AGBL1: variants seen among roughly 807,000 people sequenced by gnomAD.
AGBL1 encodes the protein cytosolic carboxypeptidase 4.
Under a neutral mutation model 118.9 loss-of-function variants are expected in AGBL1, and 130 were observed. That is an observed-to-expected ratio of 1.09 (90% CI 0.95 to 1.26). The LOEUF is 1.26. Among genes scored for constraint, AGBL1 ranks in the 50% most tolerant of loss-of-function variants. AGBL1 has a pLI of 0.00. For missense variants in AGBL1, 1,584 were observed against 1,298.1 expected, an observed-to-expected ratio of 1.22 and a Z score of -3.38; for synonymous variants, 555 against 478.9, an observed-to-expected ratio of 1.16 and a Z score of -2.08.
intron 5 of AGBL1, among the ~76,000 whole-genome samples, chr15:86,178,042 G>A (rs538644532): frequency 7.2e-5 from 11 of 152,332 alleles, no homozygotes; most frequent in South Asian, 6.2e-4. Context: ...GGCTGGGCAT[G>A]GTGGTTCACA....
chr15:86,922,267 C>G (rs970367061), intron 23 of AGBL1, among the ~76,000 whole-genome samples: 1 of 152,136 alleles, frequency 6.6e-6, no homozygotes, highest in Non-Finnish European at 1.5e-5. Context: ...TAGCAAAAGG[C>G]ATAACAAAAA....
At chr15:86,227,581 G>C (rs1471389087) in intron 6 of AGBL1, among the ~76,000 whole-genome samples, 2 of 152,230 alleles carry the variant, frequency 1.3e-5, no homozygotes, top group Admixed American at 6.5e-5. Context: ...TCCCCCATGG[G>C]GGGTGGACAG....
intron 1 of AGBL1, among the ~76,000 whole-genome samples, chr15:86,082,001 A>G (rs528384436): frequency 5.2e-4 from 79 of 152,300 alleles, no homozygotes; most frequent in African/African-American, 1.8e-3. Flanking sequence ...TTAGTTCCCA[A>G]TTAAGCAGAA....
chr15:87,011,335 C>A (rs1313808104), intron 24 of AGBL1, among the ~76,000 whole-genome samples: 1 of 152,140 alleles, frequency 6.6e-6, no homozygotes. Context: ...AGAAAAGAAA[C>A]CTTCACTGTG....
intron 16 of AGBL1, among the ~76,000 whole-genome samples, chr15:86,286,813 G>C (rs2079462018): frequency 6.7e-6 from 1 of 149,862 alleles, no homozygotes; most frequent in African/African-American, 2.5e-5. Flanking sequence ...ATGCTGCACT[G>C]AACATAGGGG....
At chr15:86,243,727 G>A (rs1277560314) in intron 6 of AGBL1, among the ~76,000 whole-genome samples, 1 of 152,106 alleles carries the variant, frequency 6.6e-6, no homozygotes, top group East Asian at 1.9e-4. Flanking sequence ...TACTAATGTA[G>A]GCCGGGCATG....
At chr15:86,976,281 A>G (rs75564037) in intron 23 of AGBL1, among the ~76,000 whole-genome samples, 6,047 of 151,130 alleles carry the variant, frequency 0.04, 150 homozygotes, top group Middle Eastern at 0.065. Context: ...GTATCCATGT[A>G]TAATTTTGGA....
chr15:86,240,413 T>C (rs1219883577), intron 6 of AGBL1, among the ~76,000 whole-genome samples: 1 of 152,212 alleles, frequency 6.6e-6, no homozygotes, highest in Admixed American at 6.5e-5. Context: ...AAGTCAGTGG[T>C]ATCGTATACT....
intron 22 of AGBL1, among the ~76,000 whole-genome samples, chr15:86,852,473 G>A (rs1019445201): frequency 1.3e-5 from 2 of 152,032 alleles, no homozygotes; most frequent in Admixed American, 6.6e-5. Context: ...ATCACTTTAC[G>A]ACATCCCCTG....
At chr15:86,939,045 A>C (rs2080713109) in intron 23 of AGBL1, 1 of 152,126 alleles carries the variant, frequency 6.6e-6, no homozygotes, top group Non-Finnish European at 1.5e-5. Context: ...GCTTTTTGCC[A>C]CTTCTGAAAT....
At chr15:86,480,856 A>C (rs1037645403) in intron 18 of AGBL1, among the ~76,000 whole-genome samples, 14 of 152,162 alleles carry the variant, frequency 9.2e-5, no homozygotes, top group Middle Eastern at 3.4e-3. Flanking sequence ...AAGAATATTT[A>C]GGCAATGGTG....
chr15:86,711,774 G>A (rs529675824), intron 22 of AGBL1, among the ~76,000 whole-genome samples: 1 of 152,302 alleles, frequency 6.6e-6, no homozygotes, highest in African/African-American at 2.4e-5. Flanking sequence ...GGCAGAGTAT[G>A]TGTTTCCTGA....
intron 23 of AGBL1, among the ~76,000 whole-genome samples, chr15:86,980,166 G>GTT (rs34663474): frequency 0.17 from 26,463 of 152,056 alleles, 2,308 homozygotes; most frequent in Non-Finnish European, 0.18. Flanking sequence ...TCAGATCCTA[G>GTT]TTTTAAATCA....
At chr15:86,793,662 C>G (rs2078529199) in intron 22 of AGBL1, among the ~76,000 whole-genome samples, 1 of 152,108 alleles carries the variant, frequency 6.6e-6, no homozygotes, top group South Asian at 2.1e-4. Flanking sequence ...AGGAAACTAT[C>G]AAGAAAGTAA....
chr15:86,716,602 C>G (rs576148979), intron 22 of AGBL1, among the ~76,000 whole-genome samples: 2 of 152,266 alleles, frequency 1.3e-5, no homozygotes, highest in Admixed American at 1.3e-4. Context: ...GAAAAAAGCT[C>G]ACGGCTATCT....
chr15:86,498,533 T>A (rs1338215361), intron 18 of AGBL1, among the ~76,000 whole-genome samples: 7 of 151,974 alleles, frequency 4.6e-5, no homozygotes, highest in Non-Finnish European at 1.0e-4. Context: ...CATGATTTGA[T>A]TGATTACTGG....
At chr15:86,170,945 GAAAC>G (rs775739485) in intron 5 of AGBL1, among the ~76,000 whole-genome samples, 1 of 151,248 alleles carries the variant, frequency 6.6e-6, no homozygotes, top group Non-Finnish European at 1.5e-5. Flanking sequence ...TATGTACACA[GAAAC>G]AAAAATAAGA....
intron 21 of AGBL1, among the ~76,000 whole-genome samples, chr15:86,640,612 C>G (rs2085174607): frequency 1.3e-5 from 2 of 151,990 alleles, no homozygotes; most frequent in Admixed American, 1.3e-4. Flanking sequence ...TATGTAATAA[C>G]AAGTTTAACC....
At chr15:86,792,217 C>T (rs1485811464) in intron 22 of AGBL1, among the ~76,000 whole-genome samples, 2 of 152,180 alleles carry the variant, frequency 1.3e-5, no homozygotes, top group Non-Finnish European at 2.9e-5. Context: ...GAGTACTTTA[C>T]TTTTGCTCTG....
Sources: allele counts gnomAD v4.1 joint callset (sites outside exome capture counted in the v4.1 genomes callset), GRCh38; gene constraint gnomAD v4.1.1; transcripts MANE v1.5; gene names NCBI Gene and HGNC (gene_info 2026-07-23, HGNC 2026-07-21).